The following ZNF688 variants were observed in gnomAD, a reference collection of about 807,000 sequenced individuals.
The protein encoded by ZNF688 is zinc finger protein 688.
In ZNF688, 10 loss-of-function variants were observed where a neutral mutation model predicts 13.2. That is an observed-to-expected ratio of 0.76 (90% confidence interval 0.47 to 1.28). The LOEUF is 1.28. Among genes scored for constraint, ZNF688 ranks in the 50% most tolerant of loss-of-function variants. The probability of loss-of-function intolerance (pLI) is 0.00; values close to 1 mark genes in which losing one functional copy is unlikely to be tolerated. For synonymous variants in ZNF688, 160 were observed against 159.4 expected (o/e 1.00, Z -0.03); for missense variants, 381 against 391.4 (o/e 0.97, Z 0.22).
At chr16:30,572,254 A>G, upstream of ZNF688, 1 of 1,560,282 alleles carries the variant, frequency 6.4e-7, no homozygotes, top group Admixed American at 1.9e-5. Context: ...GACAGACTGG[A>G]GCGCAGCGGA....
chr16:30,570,768 T>TA (rs1289484805), intron 2 of ZNF688: 3 of 393,640 alleles, frequency 7.6e-6, no homozygotes, highest in Non-Finnish European at 8.9e-6. Context: ...TTTATTTATT[T>TA]TTGAGACGGA....
upstream of ZNF688, chr16:30,572,226 G>C (rs200068940): frequency 7.5e-6 from 12 of 1,599,888 alleles, no homozygotes; most frequent in South Asian, 1.1e-5. Context: ...GGGACCCCGC[G>C]GTCCTGAAGC....
At chr16:30,574,459 T>C (rs2051728336), upstream of ZNF688, among the ~76,000 whole-genome samples, 1 of 151,432 alleles carries the variant, frequency 6.6e-6, no homozygotes, top group Admixed American at 6.6e-5. Context: ...GGCACAAGAA[T>C]GGCTTGAACT....
upstream of ZNF688, among the ~76,000 whole-genome samples, chr16:30,574,068 G>A (rs1423830762): frequency 2.6e-5 from 4 of 152,098 alleles, no homozygotes; most frequent in East Asian, 7.7e-4. Context: ...GCAACATGCT[G>A]AAACTCCATC....
upstream of ZNF688, chr16:30,572,331 G>GGCGA (rs2051701051): frequency 3.6e-6 from 5 of 1,391,174 alleles, no homozygotes; most frequent in Admixed American, 2.8e-5. Flanking sequence ...CCCGATGGCG[G>GGCGA]GAGCTGGAAT....
chr16:30,574,073 T>A (rs2051723602), upstream of ZNF688, among the ~76,000 whole-genome samples: 1 of 151,964 alleles, frequency 6.6e-6, no homozygotes, highest in Admixed American at 6.6e-5. Context: ...ATGCTGAAAC[T>A]CCATCTCTAC....
upstream of ZNF688, among the ~76,000 whole-genome samples, chr16:30,577,482 C>G (rs534614634): frequency 6.6e-6 from 1 of 150,670 alleles, no homozygotes; most frequent in South Asian, 2.1e-4. Flanking sequence ...CTGGTTCAAG[C>G]GATTCTCTTG....
chr16:30,572,221 C>T (rs201615050), upstream of ZNF688: 56 of 1,602,686 alleles, frequency 3.5e-5, no homozygotes, highest in African/African-American at 7.1e-4. Context: ...TTGAAGGGAC[C>T]CCGCGGTCCT....
At chr16:30,578,181 A>G in the ZNF688 span, among the ~76,000 whole-genome samples, 1 of 152,168 alleles carries the variant, frequency 6.6e-6, no homozygotes, top group African/African-American at 2.4e-5. Flanking sequence ...AAATACAAAA[A>G]TTAGCTGGGC....
Position 30,569,743 on chromosome 16 carries a change from C to T in ZNF688, c.*173G>A, listed in dbSNP as rs1411015098. 9.1e-6 allele frequency: 2 copies of T among 220,124 alleles called. No individual in the cohort carries two copies. The highest frequency in any genetic ancestry group is 1.4e-4 in the East Asian group (1 of 7,128). 13.6% of individuals were successfully genotyped at this position (220,124 alleles called of 1,614,324 possible). A position where few individuals can be genotyped will look rare whatever the true frequency, so the allele number is the denominator to read the frequency against. Reference sequence around the variant, plus strand: ...TGGGGAGATGGGTGGCAAGTCTAATCTATTCGAATCTTTACAGGCACTTTT... The same window carrying T: ...TGGGGAGATGGGTGGCAAGTCTAATTTATTCGAATCTTTACAGGCACTTTT... On this transcript the variant is annotated 3_prime_UTR_variant, in exon 3 of 3. Coordinates refer to ENST00000223459, the MANE Select transcript of ZNF688 (RefSeq NM_145271.4).
chr16:30,573,911 A>G, upstream of ZNF688: 1 of 355,066 alleles, frequency 2.8e-6, no homozygotes, highest in Non-Finnish European at 5.5e-6. Flanking sequence ...TTATATAAGG[A>G]AAAATATATC....
the ZNF688 span, chr16:30,579,687 C>A: frequency 4.8e-6 from 2 of 415,986 alleles, no homozygotes; most frequent in Non-Finnish European, 4.9e-6. Flanking sequence ...GCACCAGTTC[C>A]CATTAATTAT....
chr16:30,576,615 G>A (rs1259604994), upstream of ZNF688, among the ~76,000 whole-genome samples: 9 of 151,778 alleles, frequency 5.9e-5, no homozygotes, highest in East Asian at 1.9e-4. Flanking sequence ...GGCCTCCTAA[G>A]CTGCTGGGAT....
chr16:30,571,851 T>C, upstream of ZNF688: 3 of 1,287,614 alleles, frequency 2.3e-6, no homozygotes, highest in Non-Finnish European at 2.9e-6. Flanking sequence ...CATGGCCGCT[T>C]GGACATAGAC....
chr16:30,575,421 A>G (rs1186713289), upstream of ZNF688, among the ~76,000 whole-genome samples: 1 of 151,076 alleles, frequency 6.6e-6, no homozygotes, highest in Non-Finnish European at 1.5e-5. Context: ...TAAATTTTGT[A>G]TTTTTAGTAG....
intron 2 of ZNF688, 107 bp downstream of exon 2, chr16:30,570,901 AAC>A: frequency 8.4e-7 from 1 of 1,188,222 alleles, no homozygotes; most frequent in African/African-American, 1.5e-5. Flanking sequence ...TCTAGTACCC[AAC>A]ACAGTTGAAT....
At position 30,571,588 on chromosome 16, in the gene ZNF688, C is replaced by G; in HGVS notation, c.42G>C (p.Gly14=). The G allele has an allele frequency of 6.5e-7, 1 of 1,541,494 alleles. No homozygotes were observed. The highest frequency in any genetic ancestry group is 8.7e-7 in the Non-Finnish European group (1 of 1,145,210). ...GCTTCCTGCAACCAGGCCGGGTCTC[C>G]CCGGGCCTCGGCGCCAGGAGCGGGG... ...PPAPLLAPRP[G]ETRPGCRKPG... The change falls in exon 1 of 3, where the codon GGG becomes GGC. Residue 14 remains glycine (G), a synonymous_variant. Coordinates refer to ENST00000223459, the MANE Select transcript of ZNF688 (RefSeq NM_145271.4).
Position 30,571,679 on chromosome 16 carries a change from C to G in ZNF688, c.-50G>C. 2.0e-5 allele frequency: 27 copies of G among 1,360,512 alleles called. No individual in the cohort carries two copies. Among genetic ancestry groups the G allele is most frequent in the Non-Finnish European group, 2.5e-5 (27 of 1,061,156 alleles). 84.3% of individuals were successfully genotyped at this position (1,360,512 alleles called of 1,614,324 possible). A position where few individuals can be genotyped will look rare whatever the true frequency, so the allele number is the denominator to read the frequency against. ...GCCGCCAGGTCCCTGGAGCCGCCGC[C>G]TCCCCGCTCCCGGCCTCAGCTGTCG... On this transcript the variant is annotated 5_prime_UTR_variant, in exon 1 of 3. Coordinates refer to ENST00000223459, the MANE Select transcript of ZNF688 (RefSeq NM_145271.4).
chr16:30,574,923 C>T (rs1227481553), upstream of ZNF688, among the ~76,000 whole-genome samples: 1 of 152,310 alleles, frequency 6.6e-6, no homozygotes, highest in South Asian at 2.1e-4. Context: ...TCCATGAGAT[C>T]AACTTTTCTA....
Sources: allele counts gnomAD v4.1 joint callset (sites outside exome capture counted in the v4.1 genomes callset), GRCh38; gene constraint gnomAD v4.1.1; transcripts MANE v1.5; gene names NCBI Gene and HGNC (gene_info 2026-07-23, HGNC 2026-07-21).